CBFA2T3: variants seen among roughly 807,000 people sequenced by gnomAD.
CBFA2T3 encodes transcriptional corepressor CBFA2T3.
Under a neutral mutation model 58.6 loss-of-function variants are expected in CBFA2T3, and 31 were observed. The observed-to-expected ratio is 0.53, with a 90% CI of 0.40 to 0.71. The LOEUF is 0.71. CBFA2T3 is among the 30% of genes least tolerant of loss of function. CBFA2T3 has a pLI of 0.00. For synonymous variants in CBFA2T3, 531 were observed against 421.9 expected (o/e 1.26, Z -3.17); for missense variants, 1,076 against 963.1 (o/e 1.12, Z -1.55).
At position 88,881,348 on chromosome 16, in the gene CBFA2T3, C is replaced by A; in HGVS notation, c.1345G>T (p.Ala449Ser). Residue 449 changes from alanine (A) to serine (S), a missense_variant, in exon 9 of 12, where the codon GCT becomes TCT. Transcript: ENST00000268679. Reference protein sequence around the residue: ...SDAEDTKKGPAPAAARPRSSS... With the variant: ...SDAEDTKKGPSPAAARPRSSS... Reference sequence around the variant, plus strand: ...CTGCGGGGCCGGGCCGCGGCGGGAGCGGGGCCCTTCTTTGTGTCCTCGGCG... The same window carrying A: ...CTGCGGGGCCGGGCCGCGGCGGGAGAGGGGCCCTTCTTTGTGTCCTCGGCG... 1 of 1,583,320 alleles carries A rather than the reference C, an allele frequency of 6.3e-7. No individual in the cohort carries two copies. The highest frequency in any genetic ancestry group is 8.6e-7 in the Non-Finnish European group (1 of 1,166,494).
intron 3 of CBFA2T3, among the ~76,000 whole-genome samples, chr16:88,894,119 C>T (rs1182472432): frequency 2.6e-5 from 4 of 152,162 alleles, no homozygotes; most frequent in African/African-American, 4.8e-5. Context: ...CTCCATTTCC[C>T]TGCCTCCACT....
intron 7 of CBFA2T3, chr16:88,883,140 C>T: frequency 3.1e-6 from 1 of 319,798 alleles, no homozygotes; most frequent in African/African-American, 2.1e-5. Flanking sequence ...GTGTCCTCAG[C>T]CACTGGCCGG....
Position 88,976,686 on chromosome 16 carries a change from G to A in CBFA2T3, c.122C>T (p.Ala41Val). ...SGLLASAGCS[A>V]PRGPRKGGPA... The stretch of plus-strand genomic sequence containing the variant: ...GCCGCCCTTCCTGGGACCCCGGGGT[G>A]CGGAGCAGCCGGCAGATGCCAGGAG... Residue 41 changes from alanine (A) to valine (V), a missense_variant, in exon 1 of 12, where the codon GCA becomes GTA. Coordinates refer to ENST00000268679, the MANE Select transcript of CBFA2T3 (RefSeq NM_005187.6). The A allele has an allele frequency of 1.9e-6, 3 of 1,562,996 alleles. No individual in the cohort carries two copies. Among genetic ancestry groups the A allele is most frequent in the Non-Finnish European group, 2.6e-6 (3 of 1,153,736 alleles).
intron 1 of CBFA2T3, among the ~76,000 whole-genome samples, chr16:88,968,024 T>C (rs987623234): frequency 3.3e-5 from 5 of 152,248 alleles, no homozygotes; most frequent in Admixed American, 2.0e-4. Flanking sequence ...TTTCGCACCA[T>C]GACTAAAGTG....
chr16:88,881,517 A>C, intron 8 of CBFA2T3, 28 bp from the exon 9 acceptor site: 1 of 1,588,334 alleles, frequency 6.3e-7, no homozygotes, highest in Non-Finnish European at 8.6e-7. Context: ...AGCCTTCAGC[A>C]CCTCAGAGGG....
At chr16:88,881,906 T>G (rs898758924) in intron 8 of CBFA2T3, among the ~76,000 whole-genome samples, 2 of 151,896 alleles carry the variant, frequency 1.3e-5, no homozygotes, top group Non-Finnish European at 2.9e-5. Flanking sequence ...CAGGATGGGG[T>G]GGGTGGGTTC....
chr16:88,971,763 C>T (rs1972661722), intron 1 of CBFA2T3, among the ~76,000 whole-genome samples: 1 of 152,228 alleles, frequency 6.6e-6, no homozygotes, highest in East Asian at 1.9e-4. Flanking sequence ...CCCTGGCCGA[C>T]GTCTCCTCGG....
intron 3 of CBFA2T3, 142 bp downstream of exon 3, chr16:88,897,936 G>A: frequency 1.5e-6 from 1 of 673,980 alleles, no homozygotes; most frequent in South Asian, 1.7e-5. Flanking sequence ...AAGGAGGCAA[G>A]ACCAACACAA....
At chr16:88,976,290 C>CAGG (rs1372328831) in intron 1 of CBFA2T3, among the ~76,000 whole-genome samples, 1 of 152,154 alleles carries the variant, frequency 6.6e-6, no homozygotes, top group Non-Finnish European at 1.5e-5. Flanking sequence ...GAGGGCATCC[C>CAGG]AGGAGGAGGA....
At chr16:88,898,291 G>C in intron 2 of CBFA2T3, 139 bp from the exon 3 acceptor site, 1 of 657,396 alleles carries the variant, frequency 1.5e-6, no homozygotes. Context: ...TGCCCTCAGG[G>C]GCACCCGGGC....
Position 88,881,498 on chromosome 16 carries a change from G to A in CBFA2T3, c.1204-9C>T, listed in dbSNP as rs199758456. The A allele has an allele frequency of 5.7e-5, 91 of 1,596,872 alleles. No homozygotes were observed. In the East Asian group the frequency reaches 7.0e-4, roughly 12 times the overall value. On this transcript the variant is annotated splice_polypyrimidine_tract_variant and intron_variant, in intron 8 of 11. Transcript: ENST00000268679. ...ATGATGCAGTTCAGGAGCTGGGGGC[G>A]GGCGGCGCAGCCTTCAGCACCTCAG...
chr16:88,950,148 T>C (rs561274478), intron 1 of CBFA2T3: 2 of 455,746 alleles, frequency 4.4e-6, no homozygotes, highest in South Asian at 3.1e-5. Context: ...CTGTCTCTGC[T>C]TGTTCTGCGT....
At chr16:88,904,334 C>T (rs1322214634) in intron 1 of CBFA2T3, among the ~76,000 whole-genome samples, 3 of 152,228 alleles carry the variant, frequency 2.0e-5, no homozygotes, top group South Asian at 2.1e-4. Flanking sequence ...AGACCCTCTG[C>T]GGCTGATGCT....
chr16:88,925,620 C>T (rs1389597077), intron 1 of CBFA2T3, among the ~76,000 whole-genome samples: 2 of 152,212 alleles, frequency 1.3e-5, no homozygotes, highest in East Asian at 1.9e-4. Flanking sequence ...CCTGAGGCCA[C>T]CTGGATGACT....
chr16:88,969,738 G>C lies in CBFA2T3; in HGVS notation c.151+6919C>G, dbSNP rs537567150. The stretch of plus-strand genomic sequence containing the variant: ...AGGCCAGGCTTGGCTGCCAGGGTGC[G>C]AGTGGCAGGTGCCGGGGGGCAGGTG... On this transcript the variant is annotated intron_variant, in intron 1 of 11. Transcript: ENST00000268679. Among the ~76,000 whole-genome samples, 4 of 152,228 alleles carry C rather than the reference G, an allele frequency of 2.6e-5. No homozygotes were observed. The East Asian group carries it at 7.7e-4, about 29-fold the overall frequency.
At chr16:88,903,011 G>A (rs1011812016) in intron 1 of CBFA2T3, among the ~76,000 whole-genome samples, 2 of 152,188 alleles carry the variant, frequency 1.3e-5, no homozygotes, top group African/African-American at 4.8e-5. Context: ...CCCACAGCCT[G>A]GGGCATGAAA....
chr16:88,921,904 C>T (rs535781060), intron 1 of CBFA2T3, among the ~76,000 whole-genome samples: 4 of 152,354 alleles, frequency 2.6e-5, no homozygotes, highest in Admixed American at 2.0e-4. Context: ...ATGGGGACGC[C>T]TCACCCCGTC....
chr16:88,964,887 A>G (rs962337199), intron 1 of CBFA2T3, among the ~76,000 whole-genome samples: 1 of 150,260 alleles, frequency 6.7e-6, no homozygotes, highest in African/African-American at 2.5e-5. Flanking sequence ...CCATCCATCC[A>G]TCCATCCACC....
intron 1 of CBFA2T3, among the ~76,000 whole-genome samples, chr16:88,920,931 G>A (rs1218745861): frequency 1.3e-5 from 2 of 152,396 alleles, no homozygotes; most frequent in African/African-American, 4.8e-5. Context: ...GCATCTTGGA[G>A]AGCAGCGGGA....
Sources: gnomAD v4.1 joint callset for allele counts (sites outside exome capture counted in the v4.1 genomes callset) on GRCh38, gnomAD v4.1.1 for gene constraint, MANE v1.5 for transcripts, NCBI Gene and HGNC (gene_info 2026-07-23, HGNC 2026-07-21) for gene names.